PCNX2: variants seen among roughly 807,000 people sequenced by gnomAD.
PCNX2 encodes the protein pecanex-like protein 2.
In PCNX2, 168 loss-of-function variants were observed where a neutral mutation model predicts 223.8. The observed-to-expected ratio is 0.75, with a 90% confidence interval of 0.66 to 0.85. PCNX2 has a LOEUF of 0.85. Ranked by LOEUF, PCNX2 falls within the 40% of genes least tolerant of loss-of-function variation. The probability of loss-of-function intolerance (pLI) is 0.00; values close to 1 mark genes in which losing one functional copy is unlikely to be tolerated. For missense variants in PCNX2, 2,507 were observed against 2,675.5 expected (o/e 0.94, Z 1.39); for synonymous variants, 1,006 against 1,052.6 (o/e 0.96, Z 0.86).
At chr1:233,242,167 G>A (rs1439458448) in intron 8 of PCNX2, among the ~76,000 whole-genome samples, 2 of 152,138 alleles carry the variant, frequency 1.3e-5, no homozygotes, top group South Asian at 2.1e-4. Flanking sequence ...AGAGATATAC[G>A]GCAGCTTTCA....
At chr1:233,187,036 TAAA>T (rs1680136091) in intron 15 of PCNX2, among the ~76,000 whole-genome samples, 1 of 152,202 alleles carries the variant, frequency 6.6e-6, no homozygotes, top group Non-Finnish European at 1.5e-5. Flanking sequence ...TAATAGGACA[TAAA>T]AAGCAGCATA....
rs1658754445 is a variant in PCNX2 at position 233,241,363 on chromosome 1, A to G, written c.2223-4383T>C. ...TTCAGAGAAAATGCCCCAGAGAACA[A>G]AAGTCTTTCTAGAATCAACCTCACA... is the stretch of plus-strand genomic sequence containing the variant. On this transcript the variant is annotated intron_variant, in intron 8 of 33. Transcript: ENST00000258229. The G allele has an allele frequency of 1.3e-5, 13 of 985,458 alleles. No individual in the cohort carries two copies. In the South Asian group the frequency reaches 4.7e-4, roughly 36 times the overall value. The allele number at this position is 985,458 out of a possible 1,614,324, so 61.0% of individuals were successfully genotyped here.
At chr1:233,202,685 G>A (rs1681194929) in intron 13 of PCNX2, among the ~76,000 whole-genome samples, 1 of 152,118 alleles carries the variant, frequency 6.6e-6, no homozygotes, top group Non-Finnish European at 1.5e-5. Flanking sequence ...CCAGTGATTT[G>A]TTCTAAAACC....
chr1:233,018,880 A>G (rs1382153255), intron 26 of PCNX2: 2 of 985,336 alleles, frequency 2.0e-6, no homozygotes, highest in South Asian at 9.4e-5. Flanking sequence ...TTATAAAAAC[A>G]TATTCTTTTT....
intron 17 of PCNX2, among the ~76,000 whole-genome samples, chr1:233,165,616 T>C (rs1417007777): frequency 6.6e-6 from 1 of 152,114 alleles, no homozygotes; most frequent in Non-Finnish European, 1.5e-5. Context: ...CTATTTATAA[T>C]AGCACTAAAA....
intron 9 of PCNX2, 26 bp from the exon 10 acceptor site, chr1:233,227,397 G>GA (rs1558367197): frequency 1.3e-6 from 2 of 1,595,916 alleles, no homozygotes; most frequent in African/African-American, 1.4e-5. Context: ...AGAAACAACA[G>GA]AAAAAAGGGC....
Position 233,090,107 on chromosome 1 carries a change from T to G in PCNX2, c.4030A>C (p.Ile1344Leu), listed in dbSNP as rs772744989. The G allele has an allele frequency of 1.3e-5, 21 of 1,613,726 alleles. No individual in the cohort carries two copies. Among genetic ancestry groups the G allele is most frequent in the Non-Finnish European group, 1.6e-5 (19 of 1,179,866 alleles). The change falls in exon 23 of 34, where the codon ATC becomes CTC. Residue 1344 changes from isoleucine to leucine, a missense_variant. Physicochemically the swap from Ile to Leu is conservative, Grantham distance 5 (BLOSUM62 2). Transcript: ENST00000258229. ...LSPFLGSVIF[I>L]TSYVRPVKFW... The stretch of plus-strand genomic sequence containing the variant: ...TTCACTGGCCTGACATATGATGTGA[T>G]GAAAATGACACTCCCAAGAAATGGG...
chr1:233,245,454 AG>A (rs1659049540), intron 8 of PCNX2, among the ~76,000 whole-genome samples: 1 of 152,128 alleles, frequency 6.6e-6, no homozygotes. Flanking sequence ...AGGAGCCTGC[AG>A]GGAATCACCT....
chr1:233,305,736 T>C, the PCNX2 span, among the ~76,000 whole-genome samples: 1 of 152,208 alleles, frequency 6.6e-6, no homozygotes, highest in Non-Finnish European at 1.5e-5. Context: ...ATTACAGGCA[T>C]GAGCCATTAT....
chr1:233,165,293 G>A (rs1306232206), intron 17 of PCNX2, among the ~76,000 whole-genome samples: 3 of 152,286 alleles, frequency 2.0e-5, no homozygotes, highest in East Asian at 3.9e-4. Flanking sequence ...TTTTAACCAT[G>A]CTAGTGAATA....
intron 28 of PCNX2, among the ~76,000 whole-genome samples, chr1:233,006,785 A>G (rs1010249033): frequency 6.6e-6 from 1 of 152,194 alleles, no homozygotes; most frequent in African/African-American, 2.4e-5. Context: ...GCTGCCACGC[A>G]CTGCCATAAA....
At chr1:233,057,966 G>A (rs1412542409) in intron 23 of PCNX2, 38 of 985,328 alleles carry the variant, frequency 3.9e-5, no homozygotes, top group Non-Finnish European at 4.6e-5. Context: ...AGGAAATGGT[G>A]GTGAGTAGTC....
At position 232,998,378 on chromosome 1, in the gene PCNX2, T is replaced by G. The variant is rs1358797675; in HGVS notation, c.5664A>C (p.Gly1888=). 6.2e-7 allele frequency: 1 copy of G among 1,612,940 alleles called. No homozygotes were observed. Among genetic ancestry groups the G allele is most frequent in the Non-Finnish European group, 8.5e-7 (1 of 1,179,620 alleles). The change falls in exon 32 of 34, where the codon GGA becomes GGC. Residue 1888 remains glycine (G), a synonymous_variant. Coordinates refer to ENST00000258229, the MANE Select transcript of PCNX2 (RefSeq NM_014801.4). The part of the protein sequence containing the change: ...HSGGNIEDVD[G]GGAPTTGGNN... ...TGCCACCTGTCGTCGGGGCCCCTCC[T>G]CCGTCCACGTCTTCAATGTTGCCGC...
the PCNX2 span, among the ~76,000 whole-genome samples, chr1:233,316,434 C>G: frequency 6.6e-6 from 1 of 152,098 alleles, no homozygotes; most frequent in African/African-American, 2.4e-5. Context: ...TAACCTGTCA[C>G]TAAACTGAAG....
At chr1:233,278,936 T>G (rs1308110071) in intron 1 of PCNX2, among the ~76,000 whole-genome samples, 2 of 152,186 alleles carry the variant, frequency 1.3e-5, no homozygotes, top group African/African-American at 4.8e-5. Context: ...TTGGCCAGCA[T>G]CTATAATCTT....
intron 25 of PCNX2, among the ~76,000 whole-genome samples, chr1:233,053,387 C>T (rs1672076572): frequency 6.6e-6 from 1 of 152,142 alleles, no homozygotes; most frequent in Non-Finnish European, 1.5e-5. Context: ...TTGAATGTGG[C>T]ACCTCCTCAC....
intron 17 of PCNX2, among the ~76,000 whole-genome samples, chr1:233,174,400 A>C (rs1441430817): frequency 6.7e-6 from 1 of 149,624 alleles, no homozygotes; most frequent in African/African-American, 2.4e-5. Context: ...TTTATATATA[A>C]ATTTTTGGAT....
At chr1:233,229,923 T>G (rs539718166) in intron 9 of PCNX2, among the ~76,000 whole-genome samples, 134 of 152,340 alleles carry the variant, frequency 8.8e-4, no homozygotes, top group African/African-American at 3.1e-3. Context: ...CAGAGTTACA[T>G]GTTTTGGTGA....
intron 1 of PCNX2, among the ~76,000 whole-genome samples, chr1:233,267,147 A>G (rs759834437): frequency 1.1e-4 from 16 of 152,048 alleles, no homozygotes; most frequent in Non-Finnish European, 2.2e-4. Context: ...GATGAAACCC[A>G]GTCTACTAAA....
Sources: allele counts gnomAD v4.1 joint callset (sites outside exome capture counted in the v4.1 genomes callset), GRCh38; gene constraint gnomAD v4.1.1; transcripts MANE v1.5; gene names NCBI Gene and HGNC (gene_info 2026-07-23, HGNC 2026-07-21).